UGT1A6: variants seen among roughly 807,000 people sequenced by gnomAD.
The protein encoded by UGT1A6 is UDP glucuronosyltransferase family 1 member A6.
A neutral mutation model predicts 44.4 loss-of-function variants in UGT1A6; 32 were observed. That is an observed-to-expected ratio of 0.72 (90% CI 0.54 to 0.97). UGT1A6 has a LOEUF of 0.97. Among genes scored for constraint, UGT1A6 ranks in the 50% least tolerant of loss-of-function variants. The probability of loss-of-function intolerance (pLI) is 0.00; values close to 1 mark genes in which losing one functional copy is unlikely to be tolerated. For missense variants in UGT1A6, 685 were observed against 661.9 expected (o/e 1.03, Z -0.38); for synonymous variants, 238 against 248.5 (o/e 0.96, Z 0.40).
intron 1 of UGT1A6, among the ~76,000 whole-genome samples, chr2:233,712,196 T>C (rs2076218375): frequency 6.6e-6 from 1 of 152,214 alleles, no homozygotes; most frequent in Non-Finnish European, 1.5e-5. Flanking sequence ...GCTCCCCCGG[T>C]CCCTTGGTGA....
rs562159767 is a variant in UGT1A6, at chr2:233,728,334, A to G, written c.861+34469A>G. On this transcript the variant is annotated intron_variant, in intron 1 of 4. Transcript: ENST00000305139. ...TCTGAGGCCAGGCTCCAGCTCCCCC[A>G]GTCCCTTGGTGAGCAGGAGCTCCCT... Among the ~76,000 whole-genome samples, 5 of 152,308 alleles carry G rather than the reference A, an allele frequency of 3.3e-5. No homozygotes were observed. The South Asian group carries it at 6.2e-4, about 19-fold the overall frequency.
At chr2:233,747,229 C>A in intron 1 of UGT1A6, 1 of 1,605,300 alleles carries the variant, frequency 6.2e-7, no homozygotes, top group Non-Finnish European at 8.5e-7. Flanking sequence ...CACAGGACCC[C>A]AGGTTCCCCT....
chr2:233,772,380 C>T lies in UGT1A6; in HGVS notation c.1420C>T (p.Arg474Cys), dbSNP rs566674185. ...GAGGCACAAGGGCGCGCCACACCTGCGCCCCGCAGCCCACGACCTCACCTG... is the reference window on the plus strand; with the variant it reads ...GAGGCACAAGGGCGCGCCACACCTGTGCCCCGCAGCCCACGACCTCACCTG... ...VMRHKGAPHL[R>C]PAAHDLTWYQ... The change falls in exon 5 of 5, where the codon CGC becomes TGC. Residue 474 changes from arginine to cysteine, a missense_variant. Coordinates refer to ENST00000305139, the MANE Select transcript of UGT1A6 (RefSeq NM_001072.4). 5.6e-6 allele frequency: 9 copies of T among 1,614,144 alleles called. No homozygotes were observed. The highest frequency in any genetic ancestry group is 4.0e-5 in the African/African-American group (3 of 74,944).
intron 1 of UGT1A6, chr2:233,755,014 G>A (rs1575730324): frequency 1.5e-6 from 2 of 1,293,190 alleles, no homozygotes; most frequent in Non-Finnish European, 2.1e-6. Context: ...TACTCGAAGG[G>A]GTCCTTGAAG....
At position 233,767,899 on chromosome 2, in the gene UGT1A6, G is replaced by T; in HGVS notation, c.1044G>T (p.Thr348=). Residue 348 remains threonine (T), a synonymous_variant, in exon 3 of 5, where the codon ACG becomes ACT. Transcript: ENST00000305139. The part of the protein sequence containing the change: ...GTRPSNLANN[T]ILVKWLPQND... ...GACCATCGAATCTTGCGAACAACAC[G>T]ATACTTGTTAAGTGGCTACCCCAAA... 1 of 1,614,142 alleles carries T rather than the reference G, an allele frequency of 6.2e-7. No individual in the cohort carries two copies. The highest frequency in any genetic ancestry group is 8.5e-7 in the Non-Finnish European group (1 of 1,180,040).
chr2:233,735,441 C>T (rs867526694), intron 1 of UGT1A6, among the ~76,000 whole-genome samples: 5 of 151,950 alleles, frequency 3.3e-5, no homozygotes, highest in African/African-American at 9.7e-5. Flanking sequence ...TACAGCATAC[C>T]GATGGGCCTT....
chr2:233,695,908 T>C (rs2075313628), intron 1 of UGT1A6, among the ~76,000 whole-genome samples: 1 of 152,182 alleles, frequency 6.6e-6, no homozygotes, highest in Admixed American at 6.5e-5. Flanking sequence ...TGGGGTTTTT[T>C]TTCTCCACAC....
intron 3 of UGT1A6, 35 bp downstream of exon 3, chr2:233,767,971 A>C (rs71537802): frequency 2.1e-4 from 336 of 1,614,092 alleles, no homozygotes; most frequent in Non-Finnish European, 2.7e-4. Context: ...AGGTCAAACC[A>C]GGGTCAAATT....
chr2:233,693,807 T>C lies in UGT1A6; in HGVS notation c.803T>C (p.Met268Thr), dbSNP rs1404347654. ...GTGCTTGAATATCCTAGGCCGGTCATGCCCAACATGGTCTTCATTGGAGGT... is the reference window on the plus strand; with the variant it reads ...GTGCTTGAATATCCTAGGCCGGTCACGCCCAACATGGTCTTCATTGGAGGT... ...DFVLEYPRPVMPNMVFIGGIN... is the reference protein window; with the variant it reads ...DFVLEYPRPVTPNMVFIGGIN... The change falls in exon 1 of 5, where the codon ATG becomes ACG. Residue 268 changes from methionine (M) to threonine (T), a missense_variant. By Grantham distance (81) the Met-to-Thr change is moderately conservative. Transcript: ENST00000305139. The C allele has an allele frequency of 6.2e-7, 1 of 1,614,252 alleles. No homozygotes were observed. The highest frequency in any genetic ancestry group is 1.3e-5 in the African/African-American group (1 of 75,072).
intron 1 of UGT1A6, among the ~76,000 whole-genome samples, chr2:233,737,451 G>T (rs1349834753): frequency 6.6e-6 from 1 of 152,156 alleles, no homozygotes. Context: ...GTTTTTCCAG[G>T]TACAGTCTGT....
intron 1 of UGT1A6, chr2:233,713,068 C>T (rs2076275165): frequency 6.2e-7 from 1 of 1,614,140 alleles, no homozygotes; most frequent in South Asian, 1.1e-5. Flanking sequence ...CAGCCCTGGG[C>T]TGAGAGTGGG....
At chr2:233,699,721 T>C (rs1221537846) in intron 1 of UGT1A6, among the ~76,000 whole-genome samples, 1 of 152,232 alleles carries the variant, frequency 6.6e-6, no homozygotes, top group East Asian at 1.9e-4. Flanking sequence ...CAGCATTTTT[T>C]ACGGAGCGTT....
At chr2:233,717,097 A>C (rs1035812992) in intron 1 of UGT1A6, among the ~76,000 whole-genome samples, 3 of 152,144 alleles carry the variant, frequency 2.0e-5, no homozygotes, top group Non-Finnish European at 4.4e-5. Flanking sequence ...TGACATCACT[A>C]TCTAAATAAA....
chr2:233,769,620 A>G lies in UGT1A6; in HGVS notation c.1301+1181A>G. The G allele has an allele frequency of 6.2e-7, 1 of 1,612,636 alleles. No homozygotes were observed. Among genetic ancestry groups the G allele is most frequent in the Non-Finnish European group, 8.5e-7 (1 of 1,179,796 alleles). ...AACACGGGGACACACCAGCTTGAGCAAGGGACAACAGGGGAGGACTGATGA... is the reference window on the plus strand; with the variant it reads ...AACACGGGGACACACCAGCTTGAGCGAGGGACAACAGGGGAGGACTGATGA... On this transcript the variant is annotated intron_variant, in intron 4 of 4. Transcript: ENST00000305139. This position sits in a 1 kb window ranked among gnomAD's most constrained non-coding sequence, Gnocchi z 4.4.
intron 1 of UGT1A6, chr2:233,741,926 GCATAACCTGTGC>G: frequency 6.6e-6 from 1 of 151,948 alleles, no homozygotes; most frequent in Non-Finnish European, 1.5e-5. Context: ...TTCATTTGGG[GCATAACCTGTGC>G]CAACAGAAAG....
intron 1 of UGT1A6, among the ~76,000 whole-genome samples, chr2:233,757,579 A>G (rs962970301): frequency 1.1e-5 from 1 of 92,092 alleles, no homozygotes; most frequent in Non-Finnish European, 2.2e-5. Flanking sequence ...TGATATAGCT[A>G]TAGTCTAATA....
At chr2:233,770,172 C>T (rs1423898703) in intron 4 of UGT1A6, 4 of 152,218 alleles carry the variant, frequency 2.6e-5, no homozygotes, top group African/African-American at 9.7e-5. Flanking sequence ...TCAATGAGCT[C>T]AACTTATTAA....
intron 1 of UGT1A6, among the ~76,000 whole-genome samples, chr2:233,703,008 A>G (rs1220956352): frequency 6.6e-6 from 1 of 152,230 alleles, no homozygotes; most frequent in African/African-American, 2.4e-5. Flanking sequence ...TTTTGGGAAC[A>G]GTCTGTCAAG....
intron 1 of UGT1A6, among the ~76,000 whole-genome samples, chr2:233,739,348 G>C (rs1455435875): frequency 6.6e-6 from 1 of 152,152 alleles, no homozygotes. Context: ...GAACCCAGAA[G>C]GGCAGATCCA....
Sources: gnomAD v4.1 joint callset for allele counts (sites outside exome capture counted in the v4.1 genomes callset) on GRCh38, gnomAD v4.1.1 for gene constraint, Gnocchi (gnomAD v3.1) non-coding constraint, MANE v1.5 for transcripts, NCBI Gene and HGNC (gene_info 2026-07-23, HGNC 2026-07-21) for gene names.